Variants in NRXN3 observed in about 807,000 individuals in gnomAD.
NRXN3 encodes the protein neurexin 3.
In NRXN3, 32 loss-of-function variants were observed where a neutral mutation model predicts 137.6. The observed-to-expected ratio is 0.23, with a 90% confidence interval of 0.18 to 0.31. The LOEUF (loss-of-function observed/expected upper bound fraction) is 0.31. Among genes scored for constraint, NRXN3 ranks in the 10% least tolerant of loss-of-function variants. The pLI, the probability that NRXN3 is intolerant of heterozygous loss-of-function variation, is 1.00. For missense variants in NRXN3, 1,574 were observed against 2,062.5 expected (o/e 0.76, Z 4.59); for synonymous variants, 798 against 784.5 (o/e 1.02, Z -0.29).
At chr14:79,181,136 G>T (rs1252804933) in intron 15 of NRXN3, among the ~76,000 whole-genome samples, 1 of 151,586 alleles carries the variant, frequency 6.6e-6, no homozygotes, top group East Asian at 1.9e-4. Context: ...TATGAACTTG[G>T]TCTATAAAGA....
chr14:79,045,028 T>A (rs2062742), intron 15 of NRXN3, among the ~76,000 whole-genome samples: 150,903 of 152,310 alleles, frequency 0.99, 74,779 homozygotes, highest in Middle Eastern at 1. Flanking sequence ...TGGCGTCTCT[T>A]AAAAGAAAAT....
chr14:78,317,893 G>C (rs1445359250), intron 4 of NRXN3, among the ~76,000 whole-genome samples: 2 of 152,148 alleles, frequency 1.3e-5, no homozygotes, highest in Non-Finnish European at 2.9e-5. Flanking sequence ...GAGTATAATT[G>C]AAAATGCACT....
chr14:79,561,667 G>A (rs1414630199), intron 16 of NRXN3, among the ~76,000 whole-genome samples: 2 of 152,028 alleles, frequency 1.3e-5, no homozygotes, highest in African/African-American at 4.8e-5. Context: ...ATCTGCTATT[G>A]ACTGATCTCG....
intron 19 of NRXN3, among the ~76,000 whole-genome samples, chr14:79,744,651 T>C (rs966877908): frequency 7.9e-5 from 12 of 152,214 alleles, no homozygotes; most frequent in African/African-American, 2.9e-4. Context: ...GTTCACAGTG[T>C]GCTTTAAGGA....
intron 15 of NRXN3, among the ~76,000 whole-genome samples, chr14:79,028,171 A>G (rs938434988): frequency 2.0e-5 from 3 of 152,150 alleles, no homozygotes; most frequent in Non-Finnish European, 4.4e-5. Flanking sequence ...ACAGGACCAG[A>G]ACATTGATAC....
intron 10 of NRXN3, among the ~76,000 whole-genome samples, chr14:78,865,739 C>T (rs976914128): frequency 3.9e-5 from 6 of 151,944 alleles, no homozygotes; most frequent in African/African-American, 1.5e-4. Flanking sequence ...CAAAAGAGAC[C>T]ATGGTTTTCC....
intron 15 of NRXN3, among the ~76,000 whole-genome samples, chr14:79,419,489 A>G (rs949798033): frequency 1.3e-5 from 2 of 152,196 alleles, no homozygotes; most frequent in African/African-American, 4.8e-5. Context: ...AAATTGAATA[A>G]GTGCAAAGAG....
rs147303887 is a variant in NRXN3 at position 79,079,927 on chromosome 14, G to A, written c.3262+91786G>A. Among the ~76,000 whole-genome samples the A allele has an allele frequency of 2.4e-3, 369 of 152,284 alleles. 2 individuals are homozygous for A. The highest frequency in any genetic ancestry group is 8.1e-3 in the African/African-American group (335 of 41,568). On this transcript the variant is annotated intron_variant, in intron 15 of 20. Transcript: ENST00000335750. ...TGCTTGAACCTGGGAGGCAGAGGTT[G>A]TGGTGAGCTGAGATCATGCCATTGC...
chr14:78,202,620 G>A (rs559428257), intron 1 of NRXN3, among the ~76,000 whole-genome samples: 3 of 152,262 alleles, frequency 2.0e-5, no homozygotes, highest in South Asian at 2.1e-4. Context: ...GTTTCTATGT[G>A]TGTTGGCCAG....
In NRXN3 at chr14:79,310,738, T is replaced by G. The variant is rs1403454105; in HGVS notation, c.3263-156483T>G. On this transcript the variant is annotated intron_variant, in intron 15 of 20. Coordinates refer to ENST00000335750, the MANE Select transcript of NRXN3 (RefSeq NM_001330195.2). ...CTCATGATTTGGCTCTCTGTTTGTC[T>G]GTTATTGGTGTATAAGAATGCTTGT... Among the ~76,000 whole-genome samples the G allele has an allele frequency of 1.4e-4, 17 of 120,294 alleles. No individual in the cohort carries two copies. The East Asian group carries it at 2.6e-3, about 18-fold the overall frequency. The allele number at this position is 120,294 out of a possible 152,430, so 78.9% of individuals were successfully genotyped here. A position where few individuals can be genotyped will look rare whatever the true frequency, so the allele number is the denominator to read the frequency against.
chr14:78,559,532 T>C (rs551329264), intron 4 of NRXN3, among the ~76,000 whole-genome samples: 1 of 152,206 alleles, frequency 6.6e-6, no homozygotes, highest in Non-Finnish European at 1.5e-5. Flanking sequence ...TCCTGAGTTA[T>C]AGGGCAAATA....
intron 15 of NRXN3, among the ~76,000 whole-genome samples, chr14:79,257,166 G>A (rs2076687140): frequency 6.6e-6 from 1 of 152,068 alleles, no homozygotes; most frequent in African/African-American, 2.4e-5. Context: ...TTTGAAGGCA[G>A]GGAGGGCGAG....
At position 78,943,621 on chromosome 14, in the gene NRXN3, AATAT is replaced by A. The variant is rs60429358; in HGVS notation, c.2276-13566_2276-13563del. On this transcript the variant is annotated intron_variant, in intron 10 of 20. Coordinates refer to ENST00000335750, the MANE Select transcript of NRXN3 (RefSeq NM_001330195.2). The stretch of plus-strand genomic sequence containing the variant: ...AGCAAGATCACTGTTAAAAAAAAAA[AATAT>A]ATATATATATATATATATATATATA... 5.0e-3 allele frequency among the ~76,000 whole-genome samples: 139 copies of A among 27,728 alleles called. 1 individual carries two copies. The highest frequency in any genetic ancestry group is 6.6e-3 in the Admixed American group (13 of 1,960). 18.2% of individuals were successfully genotyped at this position (27,728 alleles called of 152,430 possible).
intron 1 of NRXN3, among the ~76,000 whole-genome samples, chr14:78,197,638 A>G (rs574286349): frequency 9.7e-4 from 147 of 152,276 alleles, no homozygotes; most frequent in Non-Finnish European, 1.6e-3. Context: ...TTCCTGGTGG[A>G]GCAGTATTGG....
At chr14:78,894,884 A>G (rs1192394980) in intron 10 of NRXN3, among the ~76,000 whole-genome samples, 1 of 135,998 alleles carries the variant, frequency 7.4e-6, no homozygotes, top group Non-Finnish European at 1.5e-5. Context: ...TAACATTTTG[A>G]AAAAAAAAAA....
chr14:78,200,309 G>A (rs1242999930), intron 1 of NRXN3, among the ~76,000 whole-genome samples: 1 of 152,220 alleles, frequency 6.6e-6, no homozygotes, highest in Non-Finnish European at 1.5e-5. Context: ...GGTTGCCGAT[G>A]CGGAAGGAGA....
intron 15 of NRXN3, among the ~76,000 whole-genome samples, chr14:79,218,545 A>T (rs960725580): frequency 1.3e-5 from 2 of 152,162 alleles, no homozygotes; most frequent in Admixed American, 1.3e-4. Flanking sequence ...AGAGATGACA[A>T]TGTCGGTTTC....
intron 10 of NRXN3, among the ~76,000 whole-genome samples, chr14:78,944,171 G>A (rs544139453): frequency 3.4e-4 from 52 of 152,096 alleles, no homozygotes; most frequent in Non-Finnish European, 6.3e-4. Context: ...CTTCTGGTAT[G>A]CAGACCAAAA....
chr14:79,079,431 G>A (rs957673991), intron 15 of NRXN3, among the ~76,000 whole-genome samples: 1 of 152,098 alleles, frequency 6.6e-6, no homozygotes, highest in Admixed American at 6.5e-5. Context: ...CAAACCAAAA[G>A]TGTATATTCT....
Sources: gnomAD v4.1 joint callset for allele counts (sites outside exome capture counted in the v4.1 genomes callset) on GRCh38, gnomAD v4.1.1 for gene constraint, MANE v1.5 for transcripts, NCBI Gene and HGNC (gene_info 2026-07-23, HGNC 2026-07-21) for gene names.